NAT1: variants seen among roughly 807,000 people sequenced by gnomAD.
NAT1 encodes the protein N-acetyltransferase 1.
For missense variants in NAT1, 400 were observed against 339.2 expected, an observed-to-expected ratio of 1.18 and a Z score of -1.41; for synonymous variants, 144 against 122.6, an observed-to-expected ratio of 1.17 and a Z score of -1.16.
chr8:18,222,056 T>C lies in NAT1; in HGVS notation c.9T>C (p.Ile3=), dbSNP rs780645147. The C allele has an allele frequency of 7.4e-6, 12 of 1,611,912 alleles. No homozygotes were observed. Among genetic ancestry groups the C allele is most frequent in the Non-Finnish European group, 1.0e-5 (12 of 1,178,748 alleles). MD[I]EAYLERIGYK... ...TCCTTGCTTAGGGGATCATGGACATTGAAGCATATCTTGAAAGAATTGGCT... is the reference window on the plus strand; with the variant it reads ...TCCTTGCTTAGGGGATCATGGACATCGAAGCATATCTTGAAAGAATTGGCT... Residue 3 remains isoleucine, a synonymous_variant, in exon 3 of 3, where the codon ATT becomes ATC. Transcript: ENST00000307719.
In NAT1 at chr8:18,188,151, C is replaced by T. The variant is rs117246325; in HGVS notation, n.92+17412C>T. Among the ~76,000 whole-genome samples, 71 of 152,212 alleles carry T rather than the reference C, an allele frequency of 4.7e-4. No homozygotes were observed. The East Asian group carries it at 0.012, about 26-fold the overall frequency. ...AAAACAGAACACTAGAAATAAAGGA[C>T]GCTAAATAGCATAATAGAAAGTCTG... On this transcript the variant is annotated intron_variant and non_coding_transcript_variant, in intron 2 of 4. Transcript: ENST00000517441.
intron 2 of NAT1, among the ~76,000 whole-genome samples, chr8:18,172,423 G>C (rs1374272773): frequency 6.6e-6 from 1 of 152,166 alleles, no homozygotes. Flanking sequence ...CACTAGCTGG[G>C]TTGATTCTTT....
intron 2 of NAT1, chr8:18,170,761 T>C (rs564827121): frequency 7.4e-4 from 113 of 152,302 alleles, no homozygotes; most frequent in African/African-American, 2.6e-3. Flanking sequence ...CCAGGGCCCA[T>C]TGAGCCCAGG....
intron 2 of NAT1, among the ~76,000 whole-genome samples, chr8:18,190,635 A>G (rs1402342781): frequency 6.6e-6 from 1 of 152,236 alleles, no homozygotes; most frequent in African/African-American, 2.4e-5. Flanking sequence ...GGTGATACCC[A>G]CTGCTGAAAT....
upstream of NAT1, among the ~76,000 whole-genome samples, chr8:18,205,579 G>C (rs1454297397): frequency 3.3e-5 from 5 of 152,092 alleles, no homozygotes; most frequent in Non-Finnish European, 1.5e-5. Flanking sequence ...GTGGCAGACT[G>C]TACTCCCGCC....
At chr8:18,172,111 T>C (rs1312585361) in intron 2 of NAT1, among the ~76,000 whole-genome samples, 1 of 152,196 alleles carries the variant, frequency 6.6e-6, no homozygotes, top group African/African-American at 2.4e-5. Flanking sequence ...TGCCCTTGTG[T>C]GAGTGTAGCG....
chr8:18,216,859 T>C (rs1342132943), intron 1 of NAT1: 2 of 1,479,068 alleles, frequency 1.4e-6, no homozygotes, highest in Non-Finnish European at 1.8e-6. Flanking sequence ...TAAGAACTCA[T>C]AATTATTTCT....
intron 1 of NAT1, chr8:18,212,260 G>A (rs988312147): frequency 1.3e-5 from 2 of 152,202 alleles, no homozygotes; most frequent in Non-Finnish European, 2.9e-5. Flanking sequence ...TTGGTCAACT[G>A]TTGAATCTTG....
chr8:18,198,739 T>A (rs1563173936), intron 2 of NAT1, among the ~76,000 whole-genome samples: 2 of 152,204 alleles, frequency 1.3e-5, no homozygotes, highest in South Asian at 2.1e-4. Context: ...AAGTAGCATA[T>A]CCATCACCTC....
chr8:18,219,399 T>G lies in NAT1; in HGVS notation c.-85-12T>G. 6.5e-7 allele frequency: 1 copy of G among 1,533,172 alleles called. No individual in the cohort carries two copies. The highest frequency in any genetic ancestry group is 8.8e-7 in the Non-Finnish European group (1 of 1,134,316). 95.0% of individuals were successfully genotyped at this position (1,533,172 alleles called of 1,614,324 possible). On this transcript the variant is annotated splice_polypyrimidine_tract_variant and intron_variant, in intron 1 of 2. Transcript: ENST00000307719. ...GTTATATATTTCTGACTGTCTTTTC[T>G]CTTATTTCTAGAATTCAAGCCAGGA...
chr8:18,182,920 T>C (rs1466349015), intron 2 of NAT1, among the ~76,000 whole-genome samples: 1 of 152,226 alleles, frequency 6.6e-6, no homozygotes, highest in East Asian at 1.9e-4. Flanking sequence ...ATTTTCTGCA[T>C]AAAGATCTTA....
At chr8:18,185,647 C>T (rs1272422575) in intron 2 of NAT1, among the ~76,000 whole-genome samples, 1 of 151,926 alleles carries the variant, frequency 6.6e-6, no homozygotes, top group African/African-American at 2.4e-5. Context: ...TTTCCACTAT[C>T]TTTATTCTTT....
At position 18,219,379 on chromosome 8, in the gene NAT1, A is replaced by G. The variant is rs1805046019; in HGVS notation, c.-85-32A>G. 2.9e-6 allele frequency: 4 copies of G among 1,402,408 alleles called. No homozygotes were observed. The East Asian group carries it at 7.5e-5, about 26-fold the overall frequency. 86.9% of individuals were successfully genotyped at this position (1,402,408 alleles called of 1,614,324 possible). A position where few individuals can be genotyped will look rare whatever the true frequency, so the allele number is the denominator to read the frequency against. On this transcript the variant is annotated intron_variant, in intron 1 of 2. Coordinates refer to ENST00000307719, the MANE Select transcript of NAT1 (RefSeq NM_000662.8). ...TTTGTTTTCAAGGAAGTCATGTTAT[A>G]TATTTCTGACTGTCTTTTCTCTTAT...
chr8:18,213,158 C>G (rs545436611), intron 1 of NAT1, among the ~76,000 whole-genome samples: 1 of 151,752 alleles, frequency 6.6e-6, no homozygotes, highest in African/African-American at 2.4e-5. Flanking sequence ...GTGATCCACT[C>G]GCCTCGGCCT....
At chr8:18,195,491 G>A (rs552687161) in intron 2 of NAT1, among the ~76,000 whole-genome samples, 5 of 152,200 alleles carry the variant, frequency 3.3e-5, no homozygotes, top group East Asian at 3.9e-4. Context: ...GAAGAAAGTC[G>A]TGCTGCCCTT....
intron 2 of NAT1, among the ~76,000 whole-genome samples, chr8:18,190,037 A>C (rs1589069314): frequency 1.3e-5 from 2 of 152,134 alleles, no homozygotes; most frequent in Admixed American, 6.5e-5. Context: ...GGATCTGTCC[A>C]CCTTGGCCTC....
upstream of NAT1, among the ~76,000 whole-genome samples, chr8:18,208,683 G>A (rs1803843000): frequency 6.6e-6 from 1 of 152,178 alleles, no homozygotes; most frequent in South Asian, 2.1e-4. Flanking sequence ...TAAAAGGAAT[G>A]TTAGTGTGGG....
At chr8:18,221,232 G>T (rs902764033) in intron 2 of NAT1, among the ~76,000 whole-genome samples, 1 of 151,244 alleles carries the variant, frequency 6.6e-6, no homozygotes, top group African/African-American at 2.4e-5. Context: ...TTCCTACTTG[G>T]AACAATCCTC....
chr8:18,201,882 C>A (rs61410943), intron 2 of NAT1, among the ~76,000 whole-genome samples: 2,328 of 152,252 alleles, frequency 0.015, 64 homozygotes, highest in African/African-American at 0.052. Context: ...GCTTTCCTTG[C>A]CCTTTTCATC....
Sources: allele counts gnomAD v4.1 joint callset (sites outside exome capture counted in the v4.1 genomes callset), GRCh38; gene constraint gnomAD v4.1.1; transcripts MANE v1.5; gene names NCBI Gene and HGNC (gene_info 2026-07-23, HGNC 2026-07-21).